Variants in CLASP1 observed in about 807,000 individuals in gnomAD.
CLASP1 encodes the protein CLIP-associating protein 1.
CLASP1 carries 38 observed loss-of-function variants against 192.3 expected under a neutral mutation model. That is an observed-to-expected ratio of 0.20 (90% CI 0.15 to 0.26). The LOEUF is 0.26. Ranked by LOEUF, CLASP1 falls within the 10% of genes least tolerant of loss-of-function variation. The pLI, the probability that CLASP1 is intolerant of heterozygous loss-of-function variation, is 1.00. For missense variants in CLASP1, 1,433 were observed against 1,932.5 expected, an observed-to-expected ratio of 0.74 and a Z score of 4.85; for synonymous variants, 691 against 712.8, an observed-to-expected ratio of 0.97 and a Z score of 0.49.
intron 33 of CLASP1, among the ~76,000 whole-genome samples, chr2:121,380,052 G>C (rs557571957): frequency 6.6e-6 from 1 of 152,268 alleles, no homozygotes; most frequent in Non-Finnish European, 1.5e-5. Context: ...GTGAGCTGCA[G>C]GTGAGAGGCA....
intron 33 of CLASP1, among the ~76,000 whole-genome samples, chr2:121,377,998 G>T (rs1444662838): frequency 1.3e-5 from 2 of 152,180 alleles, no homozygotes; most frequent in Non-Finnish European, 2.9e-5. Flanking sequence ...GAAAAAAGGA[G>T]TTTGGTTGTT....
rs1029727528 is a variant in CLASP1 at position 121,401,494 on chromosome 2, C to G, written c.2900+15G>C. On this transcript the variant is annotated intron_variant, in intron 28 of 39. Transcript: ENST00000263710. ...TCCTGTAACATCAAAATGGACCTAA[C>G]CCTTAAACACTTACCTTGTGACATC... The G allele has an allele frequency of 6.3e-7, 1 of 1,599,226 alleles. No individual in the cohort carries two copies. Among genetic ancestry groups the G allele is most frequent in the Non-Finnish European group, 8.5e-7 (1 of 1,174,252 alleles).
Position 121,349,239 on chromosome 2 carries a change from C to CAA in CLASP1, c.4207-523_4207-522dup, listed in dbSNP as rs750146940. Among the ~76,000 whole-genome samples the CAA allele has an allele frequency of 1.6e-3, 221 of 138,638 alleles. 2 individuals are homozygous for CAA. Among genetic ancestry groups the CAA allele is most frequent in the African/African-American group, 5.7e-3 (213 of 37,686 alleles). The allele number at this position is 138,638 out of a possible 152,430, so 91.0% of individuals were successfully genotyped here. A position where few individuals can be genotyped will look rare whatever the true frequency, so the allele number is the denominator to read the frequency against. ...TGGGTGACAGTGCAAGACTCTGTCTCAAAAAAAAAAAGAAAAGAAAAGAAA... is the reference window on the plus strand; with the variant it reads ...TGGGTGACAGTGCAAGACTCTGTCTCAAAAAAAAAAAAAGAAAAGAAAAGAAA... On this transcript the variant is annotated intron_variant, in intron 37 of 39. Transcript: ENST00000263710.
chr2:121,462,166 C>T (rs1025986630), intron 10 of CLASP1, among the ~76,000 whole-genome samples: 7 of 151,662 alleles, frequency 4.6e-5, no homozygotes, highest in Admixed American at 1.3e-4. Context: ...CTTATTAAAC[C>T]ATTCTCCATA....
chr2:121,347,886 T>G (rs778625224), intron 38 of CLASP1, among the ~76,000 whole-genome samples: 1 of 152,098 alleles, frequency 6.6e-6, no homozygotes, highest in Non-Finnish European at 1.5e-5. Context: ...CTTTCCCCAG[T>G]GAAACTCCCT....
intron 27 of CLASP1, 60 bp downstream of exon 28, chr2:121,401,808 A>G (rs2076186588): frequency 1.2e-6 from 1 of 800,314 alleles, no homozygotes. Flanking sequence ...ACAACTGTTC[A>G]TAGTACAGAA....
chr2:121,588,271 T>C (rs997152871), intron 2 of CLASP1, among the ~76,000 whole-genome samples: 6 of 152,044 alleles, frequency 3.9e-5, no homozygotes, highest in Non-Finnish European at 7.4e-5. Context: ...AGACAGGTTA[T>C]GTGGTAAGTG....
intron 2 of CLASP1, among the ~76,000 whole-genome samples, chr2:121,573,079 C>T (rs1014332385): frequency 3.3e-5 from 5 of 152,180 alleles, no homozygotes; most frequent in African/African-American, 1.2e-4. Flanking sequence ...CCTGCCTTGG[C>T]CTCTCTAGTA....
chr2:121,405,579 C>T (rs1423137055), intron 25 of CLASP1, among the ~76,000 whole-genome samples: 3 of 152,204 alleles, frequency 2.0e-5, no homozygotes, highest in Admixed American at 6.5e-5. Context: ...TTAATGCCCT[C>T]TTACGTGGAT....
At chr2:121,467,130 G>A in intron 9 of CLASP1, among the ~76,000 whole-genome samples, 1 of 152,146 alleles carries the variant, frequency 6.6e-6, no homozygotes, top group East Asian at 1.9e-4. Flanking sequence ...CTCCATCCAT[G>A]TCCCTGCAAA....
intron 2 of CLASP1, among the ~76,000 whole-genome samples, chr2:121,597,514 G>A (rs991250775): frequency 5.3e-5 from 8 of 152,080 alleles, no homozygotes; most frequent in African/African-American, 1.9e-4. Context: ...AATAGAATCC[G>A]GGGCAGCAAC....
At chr2:121,374,009 T>C (rs975338573) in intron 34 of CLASP1, among the ~76,000 whole-genome samples, 1 of 152,250 alleles carries the variant, frequency 6.6e-6, no homozygotes, top group Non-Finnish European at 1.5e-5. Context: ...CGGATGTTAA[T>C]AGCCAAGACA....
chr2:121,463,089 G>A, intron 9 of CLASP1, among the ~76,000 whole-genome samples: 1 of 151,620 alleles, frequency 6.6e-6, no homozygotes, highest in Non-Finnish European at 1.5e-5. Flanking sequence ...TTGAACTCAT[G>A]ATAACTGTCA....
chr2:121,501,772 T>C (rs2093761732), intron 8 of CLASP1, among the ~76,000 whole-genome samples: 1 of 152,178 alleles, frequency 6.6e-6, no homozygotes, highest in Admixed American at 6.5e-5. Context: ...ATGTATCAAG[T>C]TACTTTGAGG....
intron 19 of CLASP1, 40 bp downstream of exon 19, chr2:121,447,297 G>A: frequency 1.3e-6 from 2 of 1,536,806 alleles, no homozygotes; most frequent in Non-Finnish European, 1.8e-6. Context: ...ATCTCTTGCA[G>A]AGCAGTGCAG....
chr2:121,500,721 T>C (rs138798818), intron 8 of CLASP1, among the ~76,000 whole-genome samples: 30 of 152,344 alleles, frequency 2.0e-4, no homozygotes, highest in Admixed American at 9.1e-4. Flanking sequence ...ATTTTATACA[T>C]ATGGCTATAT....
At chr2:121,447,602 A>G (rs2084604869) in intron 18 of CLASP1, 95 bp from the exon 19 acceptor site, 1 of 1,059,794 alleles carries the variant, frequency 9.4e-7, no homozygotes. Context: ...CCTGAAAACA[A>G]ATACCAAGTT....
chr2:121,509,680 T>G (rs2094057098), intron 7 of CLASP1, among the ~76,000 whole-genome samples: 1 of 151,902 alleles, frequency 6.6e-6, no homozygotes, highest in Non-Finnish European at 1.5e-5. Flanking sequence ...TCTACTAAAA[T>G]TACAAAAATT....
chr2:121,352,173 A>G (rs894410996), intron 37 of CLASP1, among the ~76,000 whole-genome samples: 4 of 152,174 alleles, frequency 2.6e-5, no homozygotes, highest in African/African-American at 9.7e-5. Flanking sequence ...AGGAGCATGG[A>G]TATGTGCAGA....
Sources: allele counts gnomAD v4.1 joint callset (sites outside exome capture counted in the v4.1 genomes callset), GRCh38; gene constraint gnomAD v4.1.1; transcripts MANE v1.5; gene names NCBI Gene and HGNC (gene_info 2026-07-23, HGNC 2026-07-21).